Variants in KHDRBS2 observed in about 807,000 individuals in gnomAD.
KHDRBS2 encodes KH domain-containing, RNA-binding, signal transduction-associated protein 2.
In KHDRBS2, 26 loss-of-function variants were observed where a neutral mutation model predicts 44.3. The observed-to-expected ratio is 0.59, with a 90% CI of 0.43 to 0.81. The LOEUF (loss-of-function observed/expected upper bound fraction) is 0.81. KHDRBS2 is among the 40% of genes least tolerant of loss of function. The pLI is 0.00. For synonymous variants in KHDRBS2, 194 were observed against 151.1 expected, an observed-to-expected ratio of 1.28 and a Z score of -2.08; for missense variants, 476 against 433.1, an observed-to-expected ratio of 1.10 and a Z score of -0.88.
chr6:61,945,128 T>TATATAC (rs1813055993), intron 4 of KHDRBS2, among the ~76,000 whole-genome samples: 3 of 92,968 alleles, frequency 3.2e-5, no homozygotes, highest in Middle Eastern at 5.7e-3. Flanking sequence ...TATATATATA[T>TATATAC]ATATATATAT....
the KHDRBS2 span, among the ~76,000 whole-genome samples, chr6:61,557,280 A>G: frequency 3.3e-5 from 5 of 152,328 alleles, no homozygotes; most frequent in African/African-American, 9.6e-5. Flanking sequence ...ATTATCTTAC[A>G]TTAATCACAG....
chr6:61,842,590 C>G (rs1793746277), intron 6 of KHDRBS2, among the ~76,000 whole-genome samples: 1 of 152,086 alleles, frequency 6.6e-6, no homozygotes, highest in Non-Finnish European at 1.5e-5. Flanking sequence ...TAGACAATAA[C>G]AAGTGCTGGC....
intron 2 of KHDRBS2, among the ~76,000 whole-genome samples, chr6:62,163,004 T>A (rs890655257): frequency 1.3e-5 from 2 of 151,936 alleles, no homozygotes; most frequent in African/African-American, 2.4e-5. Context: ...AGTAAGTAAG[T>A]CTTGGAGAGA....
At chr6:61,896,134 G>A (rs142252151) in intron 5 of KHDRBS2, among the ~76,000 whole-genome samples, 1 of 152,214 alleles carries the variant, frequency 6.6e-6, no homozygotes, top group African/African-American at 2.4e-5. Context: ...AATACATAAA[G>A]GGATGTAAAA....
At chr6:61,565,705 G>GTGGGAATGT in the KHDRBS2 span, among the ~76,000 whole-genome samples, 1 of 152,098 alleles carries the variant, frequency 6.6e-6, no homozygotes, top group African/African-American at 2.4e-5. Flanking sequence ...TACCCTGTTG[G>GTGGGAATGT]TGGGAATGTA....
intron 1 of KHDRBS2, among the ~76,000 whole-genome samples, chr6:62,234,935 TATA>T (rs924115628): frequency 1.3e-5 from 2 of 151,968 alleles, no homozygotes; most frequent in African/African-American, 4.8e-5. Flanking sequence ...CTATAAAAAT[TATA>T]ATATTTAAAA....
At chr6:61,642,953 G>T in the KHDRBS2 span, among the ~76,000 whole-genome samples, 1 of 152,088 alleles carries the variant, frequency 6.6e-6, no homozygotes, top group Non-Finnish European at 1.5e-5. Flanking sequence ...CTTAAAATGT[G>T]GTTTTTACAT....
At chr6:61,615,233 CAAAAA>C in the KHDRBS2 span, among the ~76,000 whole-genome samples, 33 of 58,592 alleles carry the variant, frequency 5.6e-4, no homozygotes, top group Non-Finnish European at 7.7e-4. Flanking sequence ...ACTCCATCTC[CAAAAA>C]AAAAAAAAAA....
At chr6:62,263,344 G>C (rs1161724200) in intron 1 of KHDRBS2, among the ~76,000 whole-genome samples, 9 of 151,520 alleles carry the variant, frequency 5.9e-5, no homozygotes, top group Non-Finnish European at 1.0e-4. Context: ...GGATCTAGCA[G>C]CTACTGTAAT....
chr6:61,781,503 CA>C (rs577243106), intron 6 of KHDRBS2, among the ~76,000 whole-genome samples: 89 of 152,154 alleles, frequency 5.8e-4, no homozygotes, highest in African/African-American at 2.1e-3. Context: ...AATAAATAAA[CA>C]AAAAACTAGC....
chr6:61,680,681 A>G lies in KHDRBS2; in HGVS notation c.*282T>C, dbSNP rs1173790423. 1.2e-5 allele frequency: 3 copies of G among 251,032 alleles called. No individual in the cohort carries two copies. The highest frequency in any genetic ancestry group is 2.3e-5 in the Non-Finnish European group (3 of 132,226). The allele number at this position is 251,032 out of a possible 1,614,324, so 15.6% of individuals were successfully genotyped here. ...AAAAGAAAAAAAAAAGATTACACACAACAATGAAAAACAACCAAGAGAATA... is the reference window on the plus strand; with the variant it reads ...AAAAGAAAAAAAAAAGATTACACACGACAATGAAAAACAACCAAGAGAATA... On this transcript the variant is annotated 3_prime_UTR_variant, in exon 9 of 9. Transcript: ENST00000281156.
At chr6:61,916,965 ATTTT>A (rs10700035) in intron 4 of KHDRBS2, among the ~76,000 whole-genome samples, 2 of 90,636 alleles carry the variant, frequency 2.2e-5, no homozygotes, top group Non-Finnish European at 4.2e-5. Context: ...GGAACTCTGT[ATTTT>A]TTTTTTTTTT....
In KHDRBS2 at chr6:61,848,552, C is replaced by CATAT. The variant is rs1223042685; in HGVS notation, c.810+46079_810+46082dup. On this transcript the variant is annotated intron_variant, in intron 6 of 8. Coordinates refer to ENST00000281156, the MANE Select transcript of KHDRBS2 (RefSeq NM_152688.4). ...ATATACATATATATGTATATATATACATATATATATGTATATATATATACA... is the reference window on the plus strand; with the variant it reads ...ATATACATATATATGTATATATATACATATATATATATATGTATATATATATACA... 4.6e-4 allele frequency among the ~76,000 whole-genome samples: 17 copies of CATAT among 37,222 alleles called. No homozygotes were observed. In the South Asian group the frequency reaches 7.1e-3, roughly 16 times the overall value. 24.4% of individuals were successfully genotyped at this position (37,222 alleles called of 152,430 possible).
intron 1 of KHDRBS2, among the ~76,000 whole-genome samples, chr6:62,182,436 T>C (rs1454708270): frequency 6.6e-6 from 1 of 151,950 alleles, no homozygotes; most frequent in East Asian, 1.9e-4. Context: ...GCTTAAAAAT[T>C]TGCTAAGAGG....
intron 6 of KHDRBS2, among the ~76,000 whole-genome samples, chr6:61,786,842 A>G (rs890529725): frequency 6.6e-6 from 1 of 151,878 alleles, no homozygotes; most frequent in Non-Finnish European, 1.5e-5. Flanking sequence ...TACATGAGGA[A>G]TATGTGCTTT....
At chr6:62,232,607 A>G (rs1175844423) in intron 1 of KHDRBS2, among the ~76,000 whole-genome samples, 2 of 152,158 alleles carry the variant, frequency 1.3e-5, no homozygotes, top group African/African-American at 4.8e-5. Context: ...ATGCAAATGT[A>G]CCTGAAATAC....
the KHDRBS2 span, among the ~76,000 whole-genome samples, chr6:61,623,905 A>T: frequency 3.3e-5 from 5 of 152,094 alleles, no homozygotes; most frequent in Admixed American, 3.3e-4. Flanking sequence ...GGAGAGAGAA[A>T]CTTTTCCTAA....
chr6:61,945,103 AAAAAAAAAAGTATATATATATATATATAT>A lies in KHDRBS2; in HGVS notation c.483+32934_483+32962del, dbSNP rs1212064646. Among the ~76,000 whole-genome samples, 68 of 44,818 alleles carry A rather than the reference AAAAAAAAAAGTATATATATATATATATAT, an allele frequency of 1.5e-3. 3 individuals carry two copies. The highest frequency in any genetic ancestry group is 4.6e-3 in the African/African-American group (64 of 13,840). The allele number at this position is 44,818 out of a possible 152,430, so 29.4% of individuals were successfully genotyped here. ...GAGACTCTGTCTTAAAAAAAAAAAA[AAAAAAAAAAGTATATATATATATATATAT>A]ATATATATATATATATATACACACA... is the stretch of plus-strand genomic sequence containing the variant. On this transcript the variant is annotated intron_variant, in intron 4 of 8. Coordinates refer to ENST00000281156, the MANE Select transcript of KHDRBS2 (RefSeq NM_152688.4).
At chr6:61,832,794 G>C (rs902868064) in intron 6 of KHDRBS2, among the ~76,000 whole-genome samples, 3 of 152,166 alleles carry the variant, frequency 2.0e-5, no homozygotes, top group Non-Finnish European at 4.4e-5. Flanking sequence ...TAAGATACCT[G>C]TGAGATGGCA....
Sources: allele counts gnomAD v4.1 joint callset (sites outside exome capture counted in the v4.1 genomes callset), GRCh38; gene constraint gnomAD v4.1.1; transcripts MANE v1.5; gene names NCBI Gene and HGNC (gene_info 2026-07-23, HGNC 2026-07-21).